The following MDGA2 variants were observed in gnomAD, a reference collection of about 807,000 sequenced individuals.
MDGA2 encodes MAM domain-containing glycosylphosphatidylinositol anchor protein 2.
In MDGA2, 40 loss-of-function variants were observed where a neutral mutation model predicts 117.8. That is an observed-to-expected ratio of 0.34 (90% confidence interval 0.26 to 0.44). MDGA2 has a LOEUF of 0.44. Among genes scored for constraint, MDGA2 ranks in the 20% least tolerant of loss-of-function variants. The probability of loss-of-function intolerance (pLI) is 1.00; values close to 1 mark genes in which losing one functional copy is unlikely to be tolerated. For synonymous variants in MDGA2, 452 were observed against 439.0 expected (o/e 1.03, Z -0.37); for missense variants, 1,123 against 1,250.6 (o/e 0.90, Z 1.54).
chr14:47,393,582 T>C (rs1891943092), intron 1 of MDGA2, among the ~76,000 whole-genome samples: 1 of 152,110 alleles, frequency 6.6e-6, no homozygotes, highest in Admixed American at 6.6e-5. Flanking sequence ...AGGCCCCTTA[T>C]TTGCACAGTC....
At chr14:47,486,620 A>G (rs1036864519) in intron 1 of MDGA2, among the ~76,000 whole-genome samples, 1 of 152,164 alleles carries the variant, frequency 6.6e-6, no homozygotes, top group African/African-American at 2.4e-5. Flanking sequence ...TACAGCTCCC[A>G]TAAATCCCAC....
chr14:47,066,421 A>T (rs1890083084), intron 6 of MDGA2, among the ~76,000 whole-genome samples: 4 of 152,170 alleles, frequency 2.6e-5, no homozygotes, highest in Admixed American at 1.3e-4. Flanking sequence ...AGAATAGGAA[A>T]AAGAACAGAT....
intron 8 of MDGA2, among the ~76,000 whole-genome samples, chr14:46,980,430 G>C (rs1255499182): frequency 1.3e-5 from 2 of 152,184 alleles, no homozygotes; most frequent in Non-Finnish European, 2.9e-5. Flanking sequence ...TACTTCTAGT[G>C]AAGATGCCGT....
intron 3 of MDGA2, among the ~76,000 whole-genome samples, chr14:47,206,411 T>TGA: frequency 6.6e-6 from 1 of 151,116 alleles, no homozygotes; most frequent in Non-Finnish European, 1.5e-5. Flanking sequence ...GTTAACAGAG[T>TGA]GAGACCTCGT....
At chr14:46,870,851 G>A (rs900217602) in intron 14 of MDGA2, 2 of 151,934 alleles carry the variant, frequency 1.3e-5, no homozygotes, top group East Asian at 3.9e-4. Flanking sequence ...TATTTTTAAA[G>A]TATCTTAAAA....
At chr14:47,308,639 T>C (rs1324498744) in intron 1 of MDGA2, among the ~76,000 whole-genome samples, 4 of 150,542 alleles carry the variant, frequency 2.7e-5, no homozygotes, top group Admixed American at 2.7e-4. Context: ...TGCTACAGCA[T>C]ATAAATAAGC....
intron 2 of MDGA2, among the ~76,000 whole-genome samples, chr14:47,243,204 G>A (rs182899943): frequency 6.6e-6 from 1 of 151,712 alleles, no homozygotes; most frequent in East Asian, 1.9e-4. Context: ...GTGGGGCCTT[G>A]GAGAACCTGT....
At chr14:46,969,780 G>A (rs774062851) in intron 8 of MDGA2, among the ~76,000 whole-genome samples, 9 of 151,616 alleles carry the variant, frequency 5.9e-5, no homozygotes, top group Admixed American at 2.0e-4. Flanking sequence ...ACCGGGGCCC[G>A]TTGTGGGGTA....
chr14:46,968,759 C>T (rs28515101), intron 8 of MDGA2, among the ~76,000 whole-genome samples: 5,203 of 151,462 alleles, frequency 0.034, 289 homozygotes, highest in African/African-American at 0.12. Context: ...ATTGCTTAAA[C>T]CTGGGAGGCA....
rs1898168808 is a variant in MDGA2 at position 47,675,491 on chromosome 14, G to A, written c.-695C>T. On this transcript the variant is annotated 5_prime_UTR_variant, in exon 1 of 17. Transcript: ENST00000399232. ...CACCAGCCCAGCCGCCACCGCCACCGCTCTCCAAAATAGCCTTTAGCGCCC... is the reference window on the plus strand; with the variant it reads ...CACCAGCCCAGCCGCCACCGCCACCACTCTCCAAAATAGCCTTTAGCGCCC... Among the ~76,000 whole-genome samples, 1 of 152,030 alleles carries A rather than the reference G, an allele frequency of 6.6e-6. No individual in the cohort carries two copies. Among genetic ancestry groups the A allele is most frequent in the Admixed American group, 6.5e-5 (1 of 15,276 alleles).
At chr14:47,336,670 T>C (rs1890468528) in intron 1 of MDGA2, among the ~76,000 whole-genome samples, 1 of 151,972 alleles carries the variant, frequency 6.6e-6, no homozygotes, top group South Asian at 2.1e-4. Context: ...ACATTAATAA[T>C]GCAGTAAGAT....
chr14:46,874,938 GT>G (rs1171882408), intron 12 of MDGA2, among the ~76,000 whole-genome samples: 1 of 149,094 alleles, frequency 6.7e-6, no homozygotes, highest in East Asian at 2.0e-4. Flanking sequence ...GGTATCAAAG[GT>G]TTTCTTACTG....
At chr14:46,887,481 A>T (rs1315519237) in intron 10 of MDGA2, among the ~76,000 whole-genome samples, 2 of 151,982 alleles carry the variant, frequency 1.3e-5, no homozygotes, top group Non-Finnish European at 2.9e-5. Context: ...TCTGGTCATT[A>T]ACTTGATAAA....
intron 6 of MDGA2, among the ~76,000 whole-genome samples, chr14:47,087,808 A>G (rs1193182848): frequency 6.6e-6 from 1 of 151,824 alleles, no homozygotes; most frequent in Non-Finnish European, 1.5e-5. Context: ...TATCAAAAAA[A>G]AAAAAAAAAA....
chr14:47,564,450 G>A (rs545245695), intron 1 of MDGA2, among the ~76,000 whole-genome samples: 1 of 152,272 alleles, frequency 6.6e-6, no homozygotes, highest in East Asian at 1.9e-4. Context: ...TTCACAGATG[G>A]CAGCAGGCAA....
intron 1 of MDGA2, among the ~76,000 whole-genome samples, chr14:47,386,339 T>C (rs1015790333): frequency 4.6e-5 from 7 of 152,144 alleles, no homozygotes; most frequent in African/African-American, 1.7e-4. Context: ...TTCAATGATT[T>C]TGATTTCATA....
intron 3 of MDGA2, among the ~76,000 whole-genome samples, chr14:47,211,219 A>G (rs1485933602): frequency 6.6e-6 from 1 of 152,032 alleles, no homozygotes; most frequent in African/African-American, 2.4e-5. Flanking sequence ...CCTTTAATCA[A>G]ATTTCTCACC....
intron 9 of MDGA2, among the ~76,000 whole-genome samples, chr14:46,924,520 T>G (rs1247029779): frequency 6.6e-6 from 1 of 152,096 alleles, no homozygotes; most frequent in African/African-American, 2.4e-5. Flanking sequence ...TTAAAAGAAT[T>G]ACACAGGTTT....
intron 6 of MDGA2, among the ~76,000 whole-genome samples, chr14:47,080,367 C>T (rs139578478): frequency 3.5e-4 from 54 of 152,212 alleles, no homozygotes; most frequent in African/African-American, 1.2e-3. Flanking sequence ...AAAGGTTTTA[C>T]TTCAGTGAGA....
Sources: gnomAD v4.1 joint callset for allele counts (sites outside exome capture counted in the v4.1 genomes callset) on GRCh38, gnomAD v4.1.1 for gene constraint, MANE v1.5 for transcripts, NCBI Gene and HGNC (gene_info 2026-07-23, HGNC 2026-07-21) for gene names.